CDYL: variants seen among roughly 807,000 people sequenced by gnomAD.
CDYL encodes chromodomain Y-like protein.
In CDYL, 8 loss-of-function variants were observed where a neutral mutation model predicts 47.3. The observed-to-expected ratio is 0.17, with a 90% CI of 0.10 to 0.31. CDYL has a LOEUF of 0.31. CDYL is among the 10% of genes least tolerant of loss of function. CDYL has a pLI of 1.00. For missense variants in CDYL, 471 were observed against 701.4 expected, an observed-to-expected ratio of 0.67 and a Z score of 3.71; for synonymous variants, 266 against 265.0, an observed-to-expected ratio of 1.00 and a Z score of -0.04.
At chr6:4,943,800 AGCTTCCTG>A in intron 5 of CDYL, 44 bp downstream of exon 5, 1 of 1,372,910 alleles carries the variant, frequency 7.3e-7, no homozygotes, top group Non-Finnish European at 1.0e-6. Flanking sequence ...CATTCTAGAA[AGCTTCCTG>A]AAGAAATCTA....
intron 1 of CDYL, among the ~76,000 whole-genome samples, chr6:4,873,681 T>C (rs1467338846): frequency 1.3e-5 from 2 of 152,206 alleles, no homozygotes; most frequent in Non-Finnish European, 2.9e-5. Context: ...ACCTTAATTC[T>C]ACCCACCTGC....
chr6:4,793,363 T>G (rs934026006), intron 1 of CDYL, among the ~76,000 whole-genome samples: 10 of 151,788 alleles, frequency 6.6e-5, no homozygotes, highest in African/African-American at 2.2e-4. Context: ...GGGGGTGGTG[T>G]TATTTTTAGG....
chr6:4,716,593 A>ATTT (rs35154777), intron 2 of CDYL, among the ~76,000 whole-genome samples: 2,307 of 119,904 alleles, frequency 0.019, 49 homozygotes, highest in African/African-American at 0.028. Flanking sequence ...GGCAGCAATA[A>ATTT]TTTTTTTTTT....
chr6:4,842,215 AATT>A (rs937542095), intron 1 of CDYL, among the ~76,000 whole-genome samples: 16 of 145,734 alleles, frequency 1.1e-4, no homozygotes, highest in African/African-American at 3.5e-4. Flanking sequence ...AATAATATAT[AATT>A]ATATATAAAT....
At chr6:4,952,674 A>G (rs1386563886) in intron 6 of CDYL, among the ~76,000 whole-genome samples, 2 of 152,138 alleles carry the variant, frequency 1.3e-5, no homozygotes, top group African/African-American at 2.4e-5. Flanking sequence ...GTCAACAACA[A>G]CTAACATGGA....
At chr6:4,918,807 A>G (rs1057447057) in intron 2 of CDYL, among the ~76,000 whole-genome samples, 4 of 152,216 alleles carry the variant, frequency 2.6e-5, no homozygotes, top group Non-Finnish European at 5.9e-5. Flanking sequence ...GAACTGAGTA[A>G]GGATGAACAC....
chr6:4,947,890 G>A (rs1297795289), intron 5 of CDYL, among the ~76,000 whole-genome samples: 2 of 152,180 alleles, frequency 1.3e-5, no homozygotes, highest in Non-Finnish European at 2.9e-5. Context: ...CGGTCCATGG[G>A]GGAGGCCCTG....
intron 3 of CDYL, among the ~76,000 whole-genome samples, chr6:4,769,965 T>TTGTG (rs58041362): frequency 0.042 from 5,800 of 137,820 alleles, 144 homozygotes; most frequent in African/African-American, 0.056. Context: ...CCCGGCTAAT[T>TTGTG]TGTGTGTGTG....
chr6:4,774,363 A>C (rs192058992), upstream of CDYL, among the ~76,000 whole-genome samples: 120 of 152,362 alleles, frequency 7.9e-4, no homozygotes, highest in Non-Finnish European at 5.9e-4. Context: ...CTTGCCTTCA[A>C]GGAACTTACA....
intron 2 of CDYL, among the ~76,000 whole-genome samples, chr6:4,894,889 GTATA>G (rs1561692357): frequency 4.7e-5 from 7 of 148,172 alleles, no homozygotes; most frequent in Non-Finnish European, 7.4e-5. Context: ...GTATGTGTGT[GTATA>G]TATACACACG....
At chr6:4,813,404 A>T (rs1759581019) in intron 1 of CDYL, among the ~76,000 whole-genome samples, 1 of 152,180 alleles carries the variant, frequency 6.6e-6, no homozygotes. Flanking sequence ...TTTTAATTTG[A>T]TGGTGTGCTT....
chr6:4,768,895 C>T (rs1758295481), intron 3 of CDYL, among the ~76,000 whole-genome samples: 1 of 152,098 alleles, frequency 6.6e-6, no homozygotes, highest in African/African-American at 2.4e-5. Context: ...GGCATTTTAC[C>T]TCTGTGGTCT....
At chr6:4,825,497 C>T (rs1218957042) in intron 1 of CDYL, among the ~76,000 whole-genome samples, 1 of 152,114 alleles carries the variant, frequency 6.6e-6, no homozygotes, top group Non-Finnish European at 1.5e-5. Flanking sequence ...ATGTCCTTAT[C>T]ATGTTGAGGA....
chr6:4,942,908 T>G (rs1758402920), intron 4 of CDYL, among the ~76,000 whole-genome samples: 1 of 152,246 alleles, frequency 6.6e-6, no homozygotes, highest in South Asian at 2.1e-4. Flanking sequence ...TTTGCTCTTC[T>G]TGTTTGCAGG....
chr6:4,891,021 G>A (rs538715521), intron 1 of CDYL, among the ~76,000 whole-genome samples: 7 of 152,340 alleles, frequency 4.6e-5, no homozygotes, highest in Admixed American at 2.0e-4. Flanking sequence ...GTGCTTACAA[G>A]GCAGGGTTGT....
chr6:4,715,817 A>G, exon 2 of CDYL: 1 of 1,614,196 alleles, frequency 6.2e-7, no homozygotes. Flanking sequence ...CCTGGGGAAA[A>G]AGCAGGAAGA....
intron 1 of CDYL, among the ~76,000 whole-genome samples, chr6:4,870,345 A>G (rs1761438593): frequency 1.3e-5 from 2 of 152,146 alleles, no homozygotes; most frequent in Non-Finnish European, 2.9e-5. Context: ...TCTGACCTCC[A>G]TCATTTCTGA....
chr6:4,900,779 GTATATATATA>G (rs59594195), intron 2 of CDYL, among the ~76,000 whole-genome samples: 819 of 51,702 alleles, frequency 0.016, 182 homozygotes, highest in East Asian at 0.059. Flanking sequence ...GTATACGTGT[GTATATATATA>G]TATATATATA....
intron 2 of CDYL, among the ~76,000 whole-genome samples, chr6:4,912,014 G>A (rs1369670435): frequency 6.6e-6 from 1 of 152,202 alleles, no homozygotes; most frequent in African/African-American, 2.4e-5. Context: ...CTGAGCAGGT[G>A]TCATTTCAAT....
Sources: gnomAD v4.1 joint callset for allele counts (sites outside exome capture counted in the v4.1 genomes callset) on GRCh38, gnomAD v4.1.1 for gene constraint, MANE v1.5 for transcripts, NCBI Gene and HGNC (gene_info 2026-07-23, HGNC 2026-07-21) for gene names.